The following MAP3K14 variants were observed in gnomAD, a reference collection of about 807,000 sequenced individuals.
MAP3K14 encodes NF-kappa-beta-inducing kinase.
In MAP3K14, 16 loss-of-function variants were observed where a neutral mutation model predicts 99.2. The ratio of observed to expected loss-of-function variants is 0.16; its 90% CI spans 0.11 to 0.24. The LOEUF is 0.24. Ranked by LOEUF, MAP3K14 falls within the 10% of genes least tolerant of loss-of-function variation. The pLI is 1.00. For missense variants in MAP3K14, 784 were observed against 1,208.7 expected (o/e 0.65, Z 5.21); for synonymous variants, 462 against 492.4 (o/e 0.94, Z 0.82).
At chr17:45,316,371 G>A (rs1035637914) in intron 1 of MAP3K14, among the ~76,000 whole-genome samples, 5 of 152,230 alleles carry the variant, frequency 3.3e-5, no homozygotes, top group Non-Finnish European at 7.3e-5. Flanking sequence ...AAAGTCCCGA[G>A]TTGGAGAGCC....
At position 45,267,291 on chromosome 17, in the gene MAP3K14, C is replaced by T; in HGVS notation, c.2327-93G>A. The T allele has an allele frequency of 1.4e-6, 2 of 1,397,124 alleles. No homozygotes were observed. The highest frequency in any genetic ancestry group is 2.0e-6 in the Non-Finnish European group (2 of 1,007,512). 86.5% of individuals were successfully genotyped at this position (1,397,124 alleles called of 1,614,324 possible). ...TCCTGCACAGTCGGTAGAAGCTGAG[C>T]TGCTGGGGAAGGGGCTGGAAGAAAG... is the stretch of plus-strand genomic sequence containing the variant. On this transcript the variant is annotated intron_variant, in intron 12 of 15. Coordinates refer to ENST00000344686, the MANE Select transcript of MAP3K14 (RefSeq NM_003954.5). This position sits in a 1 kb window ranked among gnomAD's most constrained non-coding sequence, Gnocchi z 5.1.
At chr17:45,285,436 G>T (rs575407902) in intron 5 of MAP3K14, among the ~76,000 whole-genome samples, 2 of 151,896 alleles carry the variant, frequency 1.3e-5, no homozygotes, top group African/African-American at 4.8e-5. Context: ...GACCACCCTG[G>T]CCAACATGGT....
Position 45,264,369 on chromosome 17 carries a change from G to A in MAP3K14, c.*267C>T, listed in dbSNP as rs557188098. 36 of 448,928 alleles carry A rather than the reference G, an allele frequency of 8.0e-5. 1 individual carries two copies. In the Admixed American group the frequency reaches 1.0e-3, roughly 13 times the overall value. The allele number at this position is 448,928 out of a possible 1,614,324, so 27.8% of individuals were successfully genotyped here. A position where few individuals can be genotyped will look rare whatever the true frequency, so the allele number is the denominator to read the frequency against. On this transcript the variant is annotated 3_prime_UTR_variant, in exon 16 of 16. Transcript: ENST00000344686. ...ACTGGAGCAGGGCAGAGAAGATCCT[G>A]TTTGTTTCCCGAGGTAACTCCTGCC...
At chr17:45,273,359 CCT>C in intron 9 of MAP3K14, 142 bp downstream of exon 9, 2 of 639,618 alleles carry the variant, frequency 3.1e-6, no homozygotes. Flanking sequence ...CAAAGAAACC[CCT>C]GATAATCATC....
chr17:45,291,945 G>A (rs1284780827), intron 1 of MAP3K14, among the ~76,000 whole-genome samples: 1 of 152,236 alleles, frequency 6.6e-6, no homozygotes, highest in East Asian at 1.9e-4. Flanking sequence ...GAACTCTAAG[G>A]CCTCTGGCCT....
intron 1 of MAP3K14, among the ~76,000 whole-genome samples, chr17:45,311,971 C>T (rs2044483551): frequency 6.6e-6 from 1 of 152,192 alleles, no homozygotes; most frequent in Non-Finnish European, 1.5e-5. Flanking sequence ...ACGATCCCCC[C>T]TCCGCTGTCA....
chr17:45,297,351 G>A (rs527607140), intron 1 of MAP3K14, among the ~76,000 whole-genome samples: 1 of 152,330 alleles, frequency 6.6e-6, no homozygotes, highest in African/African-American at 2.4e-5. Flanking sequence ...TAGACAGGAA[G>A]CAGACGAAGA....
intron 1 of MAP3K14, among the ~76,000 whole-genome samples, chr17:45,315,425 G>A (rs965980761): frequency 1.3e-5 from 2 of 152,082 alleles, no homozygotes; most frequent in Non-Finnish European, 2.9e-5. Context: ...AGTCAGAGAC[G>A]ATTACTTTTA....
At chr17:45,290,812 G>GTGTTCTCCCAGGTCT in intron 1 of MAP3K14, 47 bp from the exon 2 acceptor site, 1 of 1,577,044 alleles carries the variant, frequency 6.3e-7, no homozygotes, top group Non-Finnish European at 8.6e-7. Flanking sequence ...TCCCAGACCT[G>GTGTTCTCCCAGGTCT]GGAGAACACA....
chr17:45,299,828 G>A (rs977940300), intron 1 of MAP3K14, among the ~76,000 whole-genome samples: 5 of 152,068 alleles, frequency 3.3e-5, no homozygotes, highest in African/African-American at 9.7e-5. Context: ...GGTGGCTCAC[G>A]CCTGTAATCC....
intron 1 of MAP3K14, among the ~76,000 whole-genome samples, chr17:45,312,173 T>C (rs1015460483): frequency 2.0e-5 from 3 of 152,250 alleles, no homozygotes; most frequent in African/African-American, 7.2e-5. Context: ...CCAGAGAAAG[T>C]GCTCTGCTCA....
intron 1 of MAP3K14, among the ~76,000 whole-genome samples, chr17:45,300,874 A>G (rs1001413514): frequency 6.6e-6 from 1 of 152,206 alleles, no homozygotes; most frequent in East Asian, 1.9e-4. Context: ...AGCATAATCA[A>G]AAATGTTTAG....
rs781742842 is a variant in MAP3K14 at position 45,286,864 on chromosome 17, C to A, written c.719G>T (p.Trp240Leu). Residue 240 changes from tryptophan (W) to leucine (L), a missense_variant, in exon 5 of 16, where the codon TGG (tryptophan) becomes TTG (leucine). Physicochemically the swap from Trp to Leu is moderately conservative, Grantham distance 61. Transcript: ENST00000344686. This position sits in a 1 kb window ranked among gnomAD's most constrained non-coding sequence, Gnocchi z 4.1. Reference sequence around the variant, plus strand: ...TCCGTCCTGGGGGTGGTGCAGTTTCCACACGTGGTTCAGACATTGCAAGGG... The same window carrying A: ...TCCGTCCTGGGGGTGGTGCAGTTTCAACACGTGGTTCAGACATTGCAAGGG... Reference protein sequence around the residue: ...ISPLQCLNHVWKLHHPQDGGP... With the variant: ...ISPLQCLNHVLKLHHPQDGGP... 5.0e-6 allele frequency: 8 copies of A among 1,614,022 alleles called. No individual in the cohort carries two copies. In the East Asian group the frequency reaches 1.8e-4, roughly 36 times the overall value.
At chr17:45,282,546 T>G (rs1157471442) in intron 6 of MAP3K14, among the ~76,000 whole-genome samples, 1 of 107,070 alleles carries the variant, frequency 9.3e-6, no homozygotes, top group East Asian at 2.8e-4. Flanking sequence ...CAGAGCGAGA[T>G]CCTGTCTCAA....
At chr17:45,266,782 A>C in intron 13 of MAP3K14, 101 bp from the exon 14 acceptor site, 1 of 1,322,802 alleles carries the variant, frequency 7.6e-7, no homozygotes, top group South Asian at 1.4e-5. Context: ...TCATGCCCTC[A>C]GCTGGAGGAG....
chr17:45,299,244 A>G (rs554695884), intron 1 of MAP3K14, among the ~76,000 whole-genome samples: 3 of 152,286 alleles, frequency 2.0e-5, no homozygotes, highest in South Asian at 4.1e-4. Context: ...AGATGGCAGA[A>G]GCTGCAGAGT....
At chr17:45,265,918 G>A (rs1235686882) in intron 14 of MAP3K14, among the ~76,000 whole-genome samples, 1 of 152,236 alleles carries the variant, frequency 6.6e-6, no homozygotes, top group African/African-American at 2.4e-5. Flanking sequence ...GAAAGGAACT[G>A]AACACAAGGA....
At chr17:45,306,218 G>T (rs549960234) in intron 1 of MAP3K14, among the ~76,000 whole-genome samples, 1 of 152,270 alleles carries the variant, frequency 6.6e-6, no homozygotes, top group South Asian at 2.1e-4. Context: ...CAAGTAATTT[G>T]CCCAAGGCCA....
rs182828652 is a variant in MAP3K14 at position 45,301,986 on chromosome 17, C to T, written c.-20-11221G>A. Among the ~76,000 whole-genome samples the T allele has an allele frequency of 2.6e-4, 40 of 152,164 alleles. 1 individual carries two copies. Among genetic ancestry groups the T allele is most frequent in the Admixed American group, 1.9e-3 (29 of 15,268 alleles). ...TAGCTGGGACAGGTGCGTGCCACCA[C>T]GCTTGGCTAATTTTTTGTATTTTTG... On this transcript the variant is annotated intron_variant, in intron 1 of 15. Transcript: ENST00000344686.
Sources: gnomAD v4.1 joint callset for allele counts (sites outside exome capture counted in the v4.1 genomes callset) on GRCh38, gnomAD v4.1.1 for gene constraint, Gnocchi (gnomAD v3.1) non-coding constraint, MANE v1.5 for transcripts, NCBI Gene and HGNC (gene_info 2026-07-23, HGNC 2026-07-21) for gene names.